The following CCKAR variants were observed in gnomAD, a reference collection of about 807,000 sequenced individuals.
CCKAR encodes the protein cholecystokinin receptor type A.
Under a neutral mutation model 29.8 loss-of-function variants are expected in CCKAR, and 21 were observed. The ratio of observed to expected loss-of-function variants is 0.70; its 90% CI spans 0.50 to 1.01. The LOEUF (loss-of-function observed/expected upper bound fraction) is 1.01. Ranked by LOEUF, CCKAR falls within the 50% of genes least tolerant of loss-of-function variation. The probability of loss-of-function intolerance (pLI) is 0.00; values close to 1 mark genes in which losing one functional copy is unlikely to be tolerated. For synonymous variants in CCKAR, 238 were observed against 221.3 expected (o/e 1.08, Z -0.67); for missense variants, 570 against 560.6 (o/e 1.02, Z -0.17).
At position 26,481,513 on chromosome 4, in the gene CCKAR, T is replaced by C; in HGVS notation, c.*125A>G. 1 of 1,021,276 alleles carries C rather than the reference T, an allele frequency of 9.8e-7. No homozygotes were observed. The highest frequency in any genetic ancestry group is 1.5e-6 in the Non-Finnish European group (1 of 675,058). The allele number at this position is 1,021,276 out of a possible 1,614,324, so 63.3% of individuals were successfully genotyped here. The stretch of plus-strand genomic sequence containing the variant: ...GGATGAAAAGCAGACCTTGAAGAGT[T>C]CCCACTGGAGATGGAGCCTTCCTTC... On this transcript the variant is annotated 3_prime_UTR_variant, in exon 5 of 5. Transcript: ENST00000295589.
Position 26,482,077 on chromosome 4 carries a change from C to A in CCKAR, c.848G>T (p.Arg283Leu). The change falls in exon 5 of 5, where the codon CGG becomes CTG. Residue 283 changes from arginine to leucine, a missense_variant. By Grantham distance (102) the Arg-to-Leu change is moderately radical. Coordinates refer to ENST00000295589, the MANE Select transcript of CCKAR (RefSeq NM_000730.3). The stretch of plus-strand genomic sequence containing the variant: ...GCTGCTGCTGCCGGTGGACAGCTGC[C>A]GGAGCTCCAGCTTCCTCGGGGGCCT... ...KTRPPRKLEL[R>L]QLSTGSSSRA... The A allele has an allele frequency of 6.2e-7, 1 of 1,614,164 alleles. No homozygotes were observed. Among genetic ancestry groups the A allele is most frequent in the South Asian group, 1.1e-5 (1 of 91,080 alleles).
At chr4:26,483,584 A>G (rs1737393332) in intron 3 of CCKAR, among the ~76,000 whole-genome samples, 1 of 152,246 alleles carries the variant, frequency 6.6e-6, no homozygotes, top group African/African-American at 2.4e-5. Context: ...AAATAAGAGT[A>G]TGTGAATAGC....
Position 26,481,582 on chromosome 4 carries a change from C to CT in CCKAR, c.*55dup. 6.3e-7 allele frequency: 1 copy of CT among 1,582,976 alleles called. No individual in the cohort carries two copies. The highest frequency in any genetic ancestry group is 2.2e-5 in the East Asian group (1 of 44,768). On this transcript the variant is annotated 3_prime_UTR_variant, in exon 5 of 5. Transcript: ENST00000295589. ...TCTCTTCCTGATCTCTTCTTCCGTTCTTTCTTCTCTGCCTCCTCCCTGCCT... is the reference window on the plus strand; with the variant it reads ...TCTCTTCCTGATCTCTTCTTCCGTTCTTTTCTTCTCTGCCTCCTCCCTGCCT...
At position 26,490,199 on chromosome 4, in the gene CCKAR, T is replaced by C; in HGVS notation, c.69A>G (p.Glu23=). The change falls in exon 1 of 5, where the codon GAA becomes GAG. Residue 23 remains glutamate (E), a synonymous_variant. Coordinates refer to ENST00000295589, the MANE Select transcript of CCKAR (RefSeq NM_000730.3). Reference sequence around the variant, plus strand: ...GATCCAAGCAGAAAAGCGTCTCATTTTCGAGCCCGAGTTCACAGGGAGGAG... The same window carrying C: ...GATCCAAGCAGAAAAGCGTCTCATTCTCGAGCCCGAGTTCACAGGGAGGAG... ...NITPPCELGL[E]NETLFCLDQP... is the part of the protein sequence containing the mutation. The C allele has an allele frequency of 5.6e-6, 9 of 1,613,806 alleles. No individual in the cohort carries two copies. The highest frequency in any genetic ancestry group is 7.6e-6 in the Non-Finnish European group (9 of 1,179,918).
chr4:26,483,284 C>T lies in CCKAR; in HGVS notation c.627-1G>A, dbSNP rs764896911. On this transcript the variant is annotated splice_acceptor_variant, in intron 3 of 4. Coordinates refer to ENST00000295589, the MANE Select transcript of CCKAR (RefSeq NM_000730.3). LOFTEE classifies it high-confidence loss of function. ...GAGGATGAGTAACAGGAATGTGTGC[C>T]TAATGAAATCAAAAGAAATCCAATA... 25 of 1,611,638 alleles carry T rather than the reference C, an allele frequency of 1.6e-5. No individual in the cohort carries two copies. Among genetic ancestry groups the T allele is most frequent in the Non-Finnish European group, 8.5e-7 (1 of 1,179,378 alleles).
At chr4:26,485,356 T>TTAA (rs1737428746) in intron 3 of CCKAR, among the ~76,000 whole-genome samples, 1 of 152,164 alleles carries the variant, frequency 6.6e-6, no homozygotes, top group African/African-American at 2.4e-5. Context: ...CCTTTCCAAG[T>TTAA]CTCAGTTTCC....
chr4:26,481,872 G>A lies in CCKAR; in HGVS notation c.1053C>T (p.Pro351=). 3 of 1,614,178 alleles carry A rather than the reference G, an allele frequency of 1.9e-6. No individual in the cohort carries two copies. The highest frequency in any genetic ancestry group is 2.5e-6 in the Non-Finnish European group (3 of 1,180,018). The change falls in exon 5 of 5, where the codon CCC becomes CCT. Residue 351 remains proline (P), a synonymous_variant. Coordinates refer to ENST00000295589, the MANE Select transcript of CCKAR (RefSeq NM_000730.3). ...AGGACAGGAGGAGGATGAAGGAAATGGGGGTTCCTGAGAGGCGGCGCTCTG... is the reference window on the plus strand; with the variant it reads ...AGGACAGGAGGAGGATGAAGGAAATAGGGGTTCCTGAGAGGCGGCGCTCTG... ...ASAERRLSGT[P]ISFILLLSYT...
In CCKAR at chr4:26,485,649, A is replaced by G. The variant is rs372881646; in HGVS notation, c.614T>C (p.Met205Thr). 3.1e-6 allele frequency: 5 copies of G among 1,614,200 alleles called. No homozygotes were observed. The highest frequency in any genetic ancestry group is 2.7e-5 in the African/African-American group (2 of 75,060). ...MCRFLLPNDV[M>T]QQSWHTFLLL... ...AATGCAACCTTACCAGGACTGCTGCATAACATCATTTGGCAGTAGAAAGCG... is the reference window on the plus strand; with the variant it reads ...AATGCAACCTTACCAGGACTGCTGCGTAACATCATTTGGCAGTAGAAAGCG... The change falls in exon 3 of 5, where the codon ATG becomes ACG. Residue 205 changes from methionine to threonine, a missense_variant. Met to Thr is a moderately conservative substitution (Grantham distance 81, BLOSUM62 -1). Coordinates refer to ENST00000295589, the MANE Select transcript of CCKAR (RefSeq NM_000730.3).
intron 2 of CCKAR, among the ~76,000 whole-genome samples, chr4:26,488,262 A>T (rs1157293232): frequency 6.6e-6 from 1 of 152,210 alleles, no homozygotes; most frequent in Non-Finnish European, 1.5e-5. Flanking sequence ...AGAGAACCAC[A>T]GCAGTTGGCA....
rs199783472 is a variant in CCKAR at position 26,481,764 on chromosome 4, G to A, written c.1161C>T (p.Cys387=). The change falls in exon 5 of 5, where the codon TGC becomes TGT. Residue 387 remains cysteine, a synonymous_variant. Coordinates refer to ENST00000295589, the MANE Select transcript of CCKAR (RefSeq NM_000730.3). ...FRLGFMATFP[C]CPNPGPPGAR... Reference sequence around the variant, plus strand: ...CCCCTGGGGGACCAGGATTGGGGCAGCAGGGGAAGGTGGCCATGAAGCCGA... The same window carrying A: ...CCCCTGGGGGACCAGGATTGGGGCAACAGGGGAAGGTGGCCATGAAGCCGA... The A allele has an allele frequency of 3.4e-5, 55 of 1,614,006 alleles. No individual in the cohort carries two copies. The highest frequency in any genetic ancestry group is 4.6e-5 in the Non-Finnish European group (54 of 1,179,998).
intron 2 of CCKAR, among the ~76,000 whole-genome samples, chr4:26,488,107 T>C (rs1239641329): frequency 1.3e-5 from 2 of 152,214 alleles, no homozygotes; most frequent in Non-Finnish European, 2.9e-5. Flanking sequence ...CTGCATATTC[T>C]GCAAGGCTTG....
rs1457142854 is a variant in CCKAR, at chr4:26,482,105, T to A, written c.820A>T (p.Thr274Ser). 1 of 1,614,050 alleles carries A rather than the reference T, an allele frequency of 6.2e-7. No individual in the cohort carries two copies. Among genetic ancestry groups the A allele is most frequent in the African/African-American group, 1.3e-5 (1 of 74,924 alleles). Residue 274 changes from threonine (T) to serine (S), a missense_variant, in exon 5 of 5, where the codon ACC becomes TCC. Coordinates refer to ENST00000295589, the MANE Select transcript of CCKAR (RefSeq NM_000730.3). ...EDSDGCYLQK[T>S]RPPRKLELRQ... ...AGCTCCAGCTTCCTCGGGGGCCTGG[T>A]CTTTTGCAGGTAACACCCATCGCTG...
chr4:26,485,878 T>G lies in CCKAR; in HGVS notation c.385A>C (p.Thr129Pro), dbSNP rs1278064272. 5.0e-6 allele frequency: 8 copies of G among 1,613,378 alleles called. No homozygotes were observed. Among genetic ancestry groups the G allele is most frequent in the Non-Finnish European group, 6.8e-6 (8 of 1,179,662 alleles). The part of the protein sequence containing the change: ...YFMGTSVSVS[T>P]FNLVAISLER... ...AGAGATATGGCTACCAGATTAAAGG[T>G]AGATACACTCACAGAGGTGCCTGGG... The change falls in exon 3 of 5, where the codon ACC (threonine) becomes CCC (proline). Residue 129 changes from threonine (T) to proline (P), a missense_variant. Physicochemically the swap from Thr to Pro is conservative, Grantham distance 38. Coordinates refer to ENST00000295589, the MANE Select transcript of CCKAR (RefSeq NM_000730.3).
chr4:26,485,926 T>A lies in CCKAR; in HGVS notation c.365-28A>T, dbSNP rs2854029. On this transcript the variant is annotated intron_variant, in intron 2 of 4. Transcript: ENST00000295589. ...GGGAAAGGAACAAAGAAGCCGGTTA[T>A]GTTGACTCTGAAATCCAAAGTTTAT... The A allele has an allele frequency of 3.9e-3, 6,205 of 1,601,648 alleles. 202 individuals are homozygous for A. The African/African-American group carries it at 0.073, about 19-fold the overall frequency.
chr4:26,489,625 C>T (rs1353244450), intron 1 of CCKAR, 141 bp from the exon 2 acceptor site: 8 of 878,258 alleles, frequency 9.1e-6, no homozygotes, highest in Non-Finnish European at 1.4e-5. Flanking sequence ...GTCCTGGCAA[C>T]ATTTTGCGGA....
intron 3 of CCKAR, among the ~76,000 whole-genome samples, chr4:26,484,362 G>T (rs1401559396): frequency 1.3e-5 from 2 of 152,204 alleles, no homozygotes; most frequent in African/African-American, 4.8e-5. Flanking sequence ...AAGCAGAGAT[G>T]ATCTCAGTTT....
rs200494718 is a variant in CCKAR, at chr4:26,490,159, T to C, written c.109A>G (p.Lys37Glu). The C allele has an allele frequency of 6.4e-5, 103 of 1,606,482 alleles. No individual in the cohort carries two copies. In the South Asian group the frequency reaches 1.1e-3, roughly 17 times the overall value. The change falls in exon 1 of 5, where the codon AAA (lysine) becomes GAA (glutamate). Residue 37 changes from lysine to glutamate, a missense_variant. By Grantham distance (56) the Lys-to-Glu change is moderately conservative. Transcript: ENST00000295589. ...AATAACAGCTTCCGACACTTACCTTTGGAAGGACGGGGCTGATCCAAGCAG... is the reference window on the plus strand; with the variant it reads ...AATAACAGCTTCCGACACTTACCTTCGGAAGGACGGGGCTGATCCAAGCAG... ...LFCLDQPRPS[K>E]EWQPAVQILL...
chr4:26,484,359 G>C (rs2109878793), intron 3 of CCKAR, among the ~76,000 whole-genome samples: 1 of 152,322 alleles, frequency 6.6e-6, no homozygotes. Context: ...AAAAAGCAGA[G>C]ATGATCTCAG....
intron 2 of CCKAR, 105 bp downstream of exon 2, chr4:26,489,128 G>T: frequency 7.2e-7 from 1 of 1,396,382 alleles, no homozygotes; most frequent in Non-Finnish European, 1.0e-6. Context: ...CTGTGATTCA[G>T]CCCTCAGCAG....
Sources: allele counts gnomAD v4.1 joint callset (sites outside exome capture counted in the v4.1 genomes callset), GRCh38; gene constraint gnomAD v4.1.1; transcripts MANE v1.5; gene names NCBI Gene and HGNC (gene_info 2026-07-23, HGNC 2026-07-21).